The following C1S variants were observed in gnomAD, a reference collection of about 807,000 sequenced individuals.
The protein encoded by C1S is complement C1s, also known as complement C1s subcomponent.
C1S carries 31 observed loss-of-function variants against 54.0 expected under a neutral mutation model. That is an observed-to-expected ratio of 0.57 (90% CI 0.43 to 0.78). C1S has a LOEUF of 0.78. Ranked by LOEUF, C1S falls within the 30% of genes least tolerant of loss-of-function variation. The probability of loss-of-function intolerance (pLI) is 0.00; values close to 1 mark genes in which losing one functional copy is unlikely to be tolerated. For missense variants in C1S, 727 were observed against 851.8 expected, an observed-to-expected ratio of 0.85 and a Z score of 1.82; for synonymous variants, 292 against 303.6, an observed-to-expected ratio of 0.96 and a Z score of 0.40.
At chr12:7,069,826 C>T (rs1255595327) in intron 11 of C1S, 29 bp from the exon 12 acceptor site, 3 of 1,576,922 alleles carry the variant, frequency 1.9e-6, no homozygotes, top group Admixed American at 1.7e-5. Context: ...TTTCTTCCTC[C>T]TTCCCTGTGT....
chr12:7,062,818 C>G (rs1393624172), intron 3 of C1S, 72 bp from the exon 4 acceptor site: 2 of 1,560,162 alleles, frequency 1.3e-6, no homozygotes, highest in Non-Finnish European at 1.8e-6. Context: ...TCTATTCTCT[C>G]TGTCCCTTCT....
At chr12:7,065,535 T>G (rs1216804346) in intron 6 of C1S, 2 of 615,008 alleles carry the variant, frequency 3.3e-6, no homozygotes, top group Non-Finnish European at 5.7e-6. Flanking sequence ...TTTTTATTGT[T>G]ATTCTTTTTT....
In C1S at chr12:7,067,625, C is replaced by G. The variant is rs782689858; in HGVS notation, c.1067-18C>G. On this transcript the variant is annotated intron_variant, in intron 9 of 11. Transcript: ENST00000360817. ...AAGTGGCTGTCCTGACCATCGCTCT[C>G]CTTCCTTCGTCTGGTAGCTGTGGAC... 4.3e-6 allele frequency: 7 copies of G among 1,613,578 alleles called. No individual in the cohort carries two copies. The highest frequency in any genetic ancestry group is 5.9e-6 in the Non-Finnish European group (7 of 1,179,924).
At chr12:7,067,139 A>G in intron 9 of C1S, 22 bp downstream of exon 9, 1 of 1,442,664 alleles carries the variant, frequency 6.9e-7, no homozygotes, top group Non-Finnish European at 9.8e-7. Flanking sequence ...TTCAAAGTGG[A>G]AGTCTTTCTT....
In C1S at chr12:7,063,181, GTTGAC is replaced by G. The variant is rs1947122983; in HGVS notation, c.391+118_391+122del. ...TCTGTTCGTAATTCTTATAAAAAGT[GTTGAC>G]TTGGCCTGGGTCGCTCCATAAATCA... On this transcript the variant is annotated intron_variant, in intron 4 of 11. Coordinates refer to ENST00000360817, the MANE Select transcript of C1S (RefSeq NM_001734.5). 6.6e-6 allele frequency: 7 copies of G among 1,060,252 alleles called. No homozygotes were observed. In the South Asian group the frequency reaches 1.0e-4, roughly 15 times the overall value. 65.7% of individuals were successfully genotyped at this position (1,060,252 alleles called of 1,614,324 possible). A position where few individuals can be genotyped will look rare whatever the true frequency, so the allele number is the denominator to read the frequency against.
In C1S at chr12:7,070,250, G is replaced by T. The variant is rs781932595; in HGVS notation, c.1666G>T (p.Asp556Tyr). 4.3e-6 allele frequency: 7 copies of T among 1,614,090 alleles called. No homozygotes were observed. In the South Asian group the frequency reaches 7.7e-5, roughly 18 times the overall value. ...SPICLPGTSS[D>Y]YNLMDGDLGL... is the part of the protein sequence containing the mutation. ...CATCTGCCTACCAGGCACCTCTTCC[G>T]ACTACAACCTCATGGATGGGGACCT... The change falls in exon 12 of 12, where the codon GAC (aspartate) becomes TAC (tyrosine). Residue 556 changes from aspartate to tyrosine, a missense_variant. Asp to Tyr is a radical substitution (Grantham distance 160, BLOSUM62 -3). Coordinates refer to ENST00000360817, the MANE Select transcript of C1S (RefSeq NM_001734.5). The surrounding 1 kb of genome is among the most constrained non-coding windows in gnomAD (Gnocchi z 4.9).
In C1S at chr12:7,061,472, A is replaced by G. The variant is rs1279865337; in HGVS notation, c.-74-367A>G. On this transcript the variant is annotated intron_variant, in intron 1 of 11. Coordinates refer to ENST00000360817, the MANE Select transcript of C1S (RefSeq NM_001734.5). ...TGATCATGATGCGCCAAGACTGTTGAAAACCTGAGTGGAAATGGGAGCATC... is the reference window on the plus strand; with the variant it reads ...TGATCATGATGCGCCAAGACTGTTGGAAACCTGAGTGGAAATGGGAGCATC... 4 of 327,286 alleles carry G rather than the reference A, an allele frequency of 1.2e-5. No homozygotes were observed. The East Asian group carries it at 3.1e-4, about 25-fold the overall frequency. 20.3% of individuals were successfully genotyped at this position (327,286 alleles called of 1,614,324 possible). A position where few individuals can be genotyped will look rare whatever the true frequency, so the allele number is the denominator to read the frequency against.
In C1S at chr12:7,066,606, C is replaced by G. The variant is rs374078970; in HGVS notation, c.960C>G (p.Thr320=). 4 of 1,612,920 alleles carry G rather than the reference C, an allele frequency of 2.5e-6. No individual in the cohort carries two copies. The highest frequency in any genetic ancestry group is 2.2e-5 in the East Asian group (1 of 44,896). The stretch of plus-strand genomic sequence containing the variant: ...TCTTTAGAGATGTGGTGCAGATAAC[C>G]TGTCTGGATGGGTTTGAAGTTGTGG... ...KYVFRDVVQI[T]CLDGFEVVEG... The change falls in exon 8 of 12, where the codon ACC becomes ACG. Residue 320 remains threonine, a synonymous_variant. Transcript: ENST00000360817.
chr12:7,067,794 G>C, intron 10 of C1S, 23 bp downstream of exon 10: 1 of 1,239,388 alleles, frequency 8.1e-7, no homozygotes, highest in Non-Finnish European at 1.1e-6. Context: ...TACTGGAGAA[G>C]AGAGAGAGAG....
intron 2 of C1S, chr12:7,062,181 G>GCCTCAA: frequency 1.8e-6 from 1 of 555,606 alleles, no homozygotes; most frequent in Non-Finnish European, 3.2e-6. Flanking sequence ...TGAGGTGGTA[G>GCCTCAA]AATCACTTGA....
At position 7,070,406 on chromosome 12, in the gene C1S, G is replaced by C. The variant is rs2135730656; in HGVS notation, c.1822G>C (p.Glu608Gln). The change falls in exon 12 of 12, where the codon GAG (glutamate) becomes CAG (glutamine). Residue 608 changes from glutamate (E) to glutamine (Q), a missense_variant. Transcript: ENST00000360817. This position sits in a 1 kb window ranked among gnomAD's most constrained non-coding sequence, Gnocchi z 4.9. ...AGTGGAGAAACCCACAGCAGATGCA[G>C]AGGCCTATGTTTTCACTCCTAACAT... ...VKVEKPTADAEAYVFTPNMIC... is the reference protein window; with the variant it reads ...VKVEKPTADAQAYVFTPNMIC... 6.2e-7 allele frequency: 1 copy of C among 1,614,260 alleles called. No homozygotes were observed.
chr12:7,070,266 A>G lies in C1S; in HGVS notation c.1682A>G (p.Asp561Gly). 1.2e-6 allele frequency: 2 copies of G among 1,614,210 alleles called. No homozygotes were observed. The highest frequency in any genetic ancestry group is 1.1e-5 in the South Asian group (1 of 91,088). Residue 561 changes from aspartate (D) to glycine (G), a missense_variant, in exon 12 of 12, where the codon GAT (aspartate) becomes GGT (glycine). Physicochemically the swap from Asp to Gly is moderately conservative, Grantham distance 94. Transcript: ENST00000360817. This position sits in a 1 kb window ranked among gnomAD's most constrained non-coding sequence, Gnocchi z 4.9. Reference sequence around the variant, plus strand: ...ACCTCTTCCGACTACAACCTCATGGATGGGGACCTGGGACTGATCTCAGGC... The same window carrying G: ...ACCTCTTCCGACTACAACCTCATGGGTGGGGACCTGGGACTGATCTCAGGC... The part of the protein sequence containing the change: ...PGTSSDYNLM[D>G]GDLGLISGWG...
Position 7,061,824 on chromosome 12 carries a change from C to A in C1S, c.-74-15C>A. ...TGTTTGTCAGACAAATACAGCCAGG[C>A]CTGCCACCCCTTAGGCTCCAAAGTC... On this transcript the variant is annotated splice_polypyrimidine_tract_variant and intron_variant, in intron 1 of 11. Coordinates refer to ENST00000360817, the MANE Select transcript of C1S (RefSeq NM_001734.5). The A allele has an allele frequency of 1.4e-6, 2 of 1,448,990 alleles. No individual in the cohort carries two copies. Among genetic ancestry groups the A allele is most frequent in the African/African-American group, 1.4e-5 (1 of 71,730 alleles). 89.8% of individuals were successfully genotyped at this position (1,448,990 alleles called of 1,614,324 possible).
rs782808002 is a variant in C1S, at chr12:7,062,598, A to C, written c.129A>C (p.Glu43Asp). 6.2e-7 allele frequency: 1 copy of C among 1,614,178 alleles called. No individual in the cohort carries two copies. The highest frequency in any genetic ancestry group is 1.1e-5 in the South Asian group (1 of 91,088). The change falls in exon 3 of 12, where the codon GAA (glutamate) becomes GAC (aspartate). Residue 43 changes from glutamate to aspartate, a missense_variant. Transcript: ENST00000360817. ...PSEVEKSWDI[E>D]VPEGYGIHLY... The stretch of plus-strand genomic sequence containing the variant: ...AGGTAGAGAAATCTTGGGACATAGA[A>C]GTTCCTGAAGGGTATGGGATTCACC...
Position 7,069,981 on chromosome 12 carries a change from A to G in C1S, c.1397A>G (p.Asn466Ser). The G allele has an allele frequency of 1.2e-6, 2 of 1,614,196 alleles. No homozygotes were observed. The highest frequency in any genetic ancestry group is 1.7e-6 in the Non-Finnish European group (2 of 1,180,030). ...CCATGGGCTGGTGGAGCGCTCATTAATGAGTACTGGGTGCTGACGGCTGCT... is the reference window on the plus strand; with the variant it reads ...CCATGGGCTGGTGGAGCGCTCATTAGTGAGTACTGGGTGCTGACGGCTGCT... ...DNPWAGGALI[N>S]EYWVLTAAHV... Residue 466 changes from asparagine to serine, a missense_variant, in exon 12 of 12, where the codon AAT (asparagine) becomes AGT (serine). This residue lies in a region of C1S where 360 missense variants were observed against 453.6 expected (regional missense o/e 0.79). Coordinates refer to ENST00000360817, the MANE Select transcript of C1S (RefSeq NM_001734.5).
At chr12:7,064,803 AG>A (rs1400801669) in intron 5 of C1S, among the ~76,000 whole-genome samples, 47 of 152,194 alleles carry the variant, frequency 3.1e-4, no homozygotes, top group African/African-American at 1.1e-3. Context: ...ATAAGACTAT[AG>A]GGTAAAGTTA....
At chr12:7,066,451 A>G (rs1937662356) in intron 7 of C1S, 67 bp from the exon 8 acceptor site, 1 of 903,226 alleles carries the variant, frequency 1.1e-6, no homozygotes. Flanking sequence ...AGAATGATGT[A>G]AATAGAATGA....
chr12:7,061,808 G>C (rs1309386096), intron 1 of C1S, 31 bp from the exon 2 acceptor site: 2 of 1,313,552 alleles, frequency 1.5e-6, no homozygotes, highest in African/African-American at 2.9e-5. Flanking sequence ...GTGTTTGTCA[G>C]ACAAATACAG....
Position 7,067,035 on chromosome 12 carries a change from C to A in C1S, c.988-4C>A. The A allele has an allele frequency of 6.2e-7, 1 of 1,605,378 alleles. No individual in the cohort carries two copies. Among genetic ancestry groups the A allele is most frequent in the South Asian group, 1.1e-5 (1 of 90,896 alleles). ...AATAAGTGGTGATGTTTATTATTCT[C>A]CAGGGACGTGTTGGTGCAACATCTT... is the stretch of plus-strand genomic sequence containing the variant. On this transcript the variant is annotated splice_polypyrimidine_tract_variant and splice_region_variant and intron_variant, in intron 8 of 11. Coordinates refer to ENST00000360817, the MANE Select transcript of C1S (RefSeq NM_001734.5).
Sources: gnomAD v4.1 joint callset for allele counts (sites outside exome capture counted in the v4.1 genomes callset) on GRCh38, gnomAD v4.1.1 for gene constraint, gnomAD v4.1.1 regional missense constraint, Gnocchi (gnomAD v3.1) non-coding constraint, MANE v1.5 for transcripts, NCBI Gene and HGNC (gene_info 2026-07-23, HGNC 2026-07-21) for gene names.